Variants in NELL1 observed in about 807,000 individuals in gnomAD.
NELL1 encodes the protein neural EGFL like 1, also known as protein kinase C-binding protein NELL1.
In NELL1, 76 loss-of-function variants were observed where a neutral mutation model predicts 107.4. The ratio of observed to expected loss-of-function variants is 0.71; its 90% CI spans 0.59 to 0.86. NELL1 has a LOEUF of 0.86. NELL1 is among the 40% of genes least tolerant of loss of function. The probability of loss-of-function intolerance (pLI) is 0.00; values close to 1 mark genes in which losing one functional copy is unlikely to be tolerated. For synonymous variants in NELL1, 353 were observed against 341.2 expected (o/e 1.03, Z -0.38); for missense variants, 1,024 against 1,005.5 (o/e 1.02, Z -0.25).
rs546758960 is a variant in NELL1, at chr11:21,505,869, T to C, written c.1646-28505T>C. On this transcript the variant is annotated intron_variant, in intron 15 of 19. Transcript: ENST00000357134. ...GGCCCATGCTTTTTCTTCATATATC[T>C]TCTGTGCCCAGTTTTTATTTATAGG... Among the ~76,000 whole-genome samples, 22 of 152,278 alleles carry C rather than the reference T, an allele frequency of 1.4e-4. No homozygotes were observed. In the East Asian group the frequency reaches 3.9e-3, roughly 27 times the overall value.
intron 13 of NELL1, among the ~76,000 whole-genome samples, chr11:21,119,742 G>A (rs1329958529): frequency 6.6e-6 from 1 of 152,004 alleles, no homozygotes; most frequent in African/African-American, 2.4e-5. Flanking sequence ...TGAAATGGAG[G>A]TGTTACAGGG....
At chr11:20,768,833 T>A (rs1856586088) in intron 2 of NELL1, among the ~76,000 whole-genome samples, 4 of 152,162 alleles carry the variant, frequency 2.6e-5, no homozygotes, top group African/African-American at 7.2e-5. Flanking sequence ...CGTGCCCCCA[T>A]CTTGGTTTTT....
intron 19 of NELL1, among the ~76,000 whole-genome samples, 160 bp from the exon 20 acceptor site, chr11:21,574,812 T>C (rs897476485): frequency 2.0e-5 from 3 of 151,862 alleles, no homozygotes; most frequent in Non-Finnish European, 2.9e-5. Flanking sequence ...CTTTCTACTC[T>C]TTCTCTAGTT....
intron 2 of NELL1, among the ~76,000 whole-genome samples, chr11:20,709,111 T>C (rs997318532): frequency 6.6e-6 from 1 of 152,024 alleles, no homozygotes; most frequent in Admixed American, 6.6e-5. Flanking sequence ...TGACAAGGGG[T>C]TGGGGACCCC....
At chr11:20,828,017 CA>C (rs1857922022) in intron 3 of NELL1, among the ~76,000 whole-genome samples, 1 of 151,254 alleles carries the variant, frequency 6.6e-6, no homozygotes, top group Non-Finnish European at 1.5e-5. Flanking sequence ...ATTTCCTTTA[CA>C]ACATCCTAGA....
At chr11:21,057,657 G>A (rs1374263528) in intron 12 of NELL1, among the ~76,000 whole-genome samples, 1 of 151,676 alleles carries the variant, frequency 6.6e-6, no homozygotes, top group African/African-American at 2.4e-5. Flanking sequence ...TGAATATTTG[G>A]TATATTATTA....
chr11:21,358,719 T>TTTGTTGTTG (rs34509053), intron 14 of NELL1, among the ~76,000 whole-genome samples: 5 of 149,024 alleles, frequency 3.4e-5, no homozygotes, highest in East Asian at 2.0e-4. Context: ...GCCCGGCCTT[T>TTTGTTGTTG]TTGTTGTTGT....
chr11:20,954,519 G>A (rs923075059), intron 11 of NELL1, among the ~76,000 whole-genome samples: 3 of 152,264 alleles, frequency 2.0e-5, no homozygotes, highest in Admixed American at 6.5e-5. Flanking sequence ...TTGCCCCTTA[G>A]GGATTATAAT....
intron 3 of NELL1, among the ~76,000 whole-genome samples, chr11:20,845,990 A>G (rs909681600): frequency 6.6e-6 from 1 of 152,224 alleles, no homozygotes; most frequent in African/African-American, 2.4e-5. Context: ...TTGATTCTTC[A>G]GTGTTCTAAC....
intron 14 of NELL1, among the ~76,000 whole-genome samples, chr11:21,340,154 CTTTTGT>C (rs766575409): frequency 6.6e-6 from 1 of 151,932 alleles, no homozygotes; most frequent in African/African-American, 2.4e-5. Flanking sequence ...TTTGTTTTTG[CTTTTGT>C]TTTTGTTTTT....
intron 16 of NELL1, among the ~76,000 whole-genome samples, chr11:21,552,910 G>A (rs1262105433): frequency 6.6e-6 from 1 of 151,720 alleles, no homozygotes; most frequent in East Asian, 1.9e-4. Context: ...CTTCCCCTTA[G>A]AAGTTTGGAA....
At position 20,783,836 on chromosome 11, in the gene NELL1, A is replaced by G. The variant is rs1347394171; in HGVS notation, c.335+6A>G. 6.2e-7 allele frequency: 1 copy of G among 1,605,634 alleles called. No individual in the cohort carries two copies. Among genetic ancestry groups the G allele is most frequent in the South Asian group, 1.1e-5 (1 of 89,140 alleles). ...ATTCGAGAACTGGAGCACAGGTAAG[A>G]AAGCTCTTTCTGCTTTTGAAAATCT... is the stretch of plus-strand genomic sequence containing the variant. On this transcript the variant is annotated splice_donor_region_variant and intron_variant, in intron 3 of 19. Transcript: ENST00000357134.
intron 5 of NELL1, among the ~76,000 whole-genome samples, chr11:20,907,291 A>G (rs961330778): frequency 2.6e-5 from 4 of 151,890 alleles, no homozygotes; most frequent in Non-Finnish European, 5.9e-5. Context: ...TGAAAACAAA[A>G]CCAAAAAAAG....
intron 12 of NELL1, among the ~76,000 whole-genome samples, chr11:20,978,407 C>G (rs1851683543): frequency 6.6e-6 from 1 of 151,768 alleles, no homozygotes; most frequent in East Asian, 1.9e-4. Context: ...GCCTTCAATC[C>G]TAATCCAATA....
chr11:20,768,567 T>C (rs972205421), intron 2 of NELL1, among the ~76,000 whole-genome samples: 1 of 152,254 alleles, frequency 6.6e-6, no homozygotes, highest in African/African-American at 2.4e-5. Context: ...AAAGGGACTT[T>C]GCAGATGTGA....
chr11:21,229,316 C>G lies in NELL1; in HGVS notation c.1427-16C>G, dbSNP rs769555116. The G allele has an allele frequency of 1.2e-6, 2 of 1,613,016 alleles. No individual in the cohort carries two copies. The highest frequency in any genetic ancestry group is 1.7e-6 in the Non-Finnish European group (2 of 1,179,574). On this transcript the variant is annotated splice_polypyrimidine_tract_variant and intron_variant, in intron 13 of 19. Coordinates refer to ENST00000357134, the MANE Select transcript of NELL1 (RefSeq NM_006157.5). ...TAAGAAAAAGTATTTCTCTTTTTCT[C>G]TCACCCTGGAAACAGAACACGATGA... is the stretch of plus-strand genomic sequence containing the variant.
At chr11:21,101,169 C>T (rs1369979663) in intron 12 of NELL1, among the ~76,000 whole-genome samples, 2 of 152,124 alleles carry the variant, frequency 1.3e-5, no homozygotes, top group Admixed American at 6.5e-5. Flanking sequence ...GACATGAACT[C>T]GTCATTTTTT....
intron 2 of NELL1, among the ~76,000 whole-genome samples, chr11:20,692,350 C>T (rs1482558596): frequency 6.6e-6 from 1 of 151,562 alleles, no homozygotes; most frequent in Non-Finnish European, 1.5e-5. Context: ...TTTGCTCTTG[C>T]TTCTCTAGTT....
chr11:21,243,714 A>G (rs1333326640), intron 14 of NELL1, among the ~76,000 whole-genome samples: 2 of 152,194 alleles, frequency 1.3e-5, no homozygotes, highest in Non-Finnish European at 2.9e-5. Flanking sequence ...AGCTGCCATA[A>G]GAAAGATACT....
Sources: gnomAD v4.1 joint callset for allele counts (sites outside exome capture counted in the v4.1 genomes callset) on GRCh38, gnomAD v4.1.1 for gene constraint, MANE v1.5 for transcripts, NCBI Gene and HGNC (gene_info 2026-07-23, HGNC 2026-07-21) for gene names.